GABRR3: variants seen among roughly 807,000 people sequenced by gnomAD.
GABRR3 encodes the protein gamma-aminobutyric acid type A receptor subunit rho3, also known as gamma-aminobutyric acid receptor subunit rho-3.
A neutral mutation model predicts 43.2 loss-of-function variants in GABRR3; 29 were observed. The ratio of observed to expected loss-of-function variants is 0.67; its 90% CI spans 0.50 to 0.92. The LOEUF is 0.92. Among genes scored for constraint, GABRR3 ranks in the 40% least tolerant of loss-of-function variants. The pLI, the probability that GABRR3 is intolerant of heterozygous loss-of-function variation, is 0.00. For synonymous variants in GABRR3, 206 were observed against 195.9 expected (o/e 1.05, Z -0.43); for missense variants, 576 against 572.3 (o/e 1.01, Z -0.07).
At chr3:98,004,348 C>G (rs1447792407) in intron 7 of GABRR3, among the ~76,000 whole-genome samples, 2 of 152,018 alleles carry the variant, frequency 1.3e-5, no homozygotes, top group Admixed American at 6.6e-5. Flanking sequence ...TATTATGAAA[C>G]CCATTTAAAG....
chr3:98,009,726 G>A (rs832028), intron 5 of GABRR3, among the ~76,000 whole-genome samples: 114,194 of 152,062 alleles, frequency 0.75, 43,765 homozygotes, highest in East Asian at 0.99. Context: ...GGTTCATAAA[G>A]GGCCCCTGAG....
chr3:98,034,942 T>A (rs764531458), exon 2 of GABRR3: 1 of 1,613,066 alleles, frequency 6.2e-7, no homozygotes, highest in Admixed American at 1.7e-5. Context: ...GGTTTCAATA[T>A]GATCCAGATG....
At position 98,034,026 on chromosome 3, in the gene GABRR3, C is replaced by T. The variant is rs138003669; in HGVS notation, c.125+837G>A. ...GGATGTGAGAGCAATCTAGCTTAAA[C>T]ATCTGTCACCCCATTGGCTGCCAGT... is the stretch of plus-strand genomic sequence containing the variant. On this transcript the variant is annotated intron_variant, in intron 2 of 9. Transcript: ENST00000621172. Among the ~76,000 whole-genome samples the T allele has an allele frequency of 3.0e-3, 457 of 152,270 alleles. 1 individual carries two copies. The highest frequency in any genetic ancestry group is 0.01 in the African/African-American group (425 of 41,566).
exon 5 of GABRR3, chr3:98,012,411 G>A: frequency 6.2e-7 from 1 of 1,613,964 alleles, no homozygotes; most frequent in African/African-American, 1.3e-5. Context: ...GTTGTATCAT[G>A]GATGAAGGAT....
intron 3 of GABRR3, among the ~76,000 whole-genome samples, chr3:98,023,417 C>T (rs1431455820): frequency 6.6e-6 from 1 of 152,104 alleles, no homozygotes; most frequent in African/African-American, 2.4e-5. Context: ...GTGACTGGCG[C>T]CCCCTGGTGG....
intron 5 of GABRR3, among the ~76,000 whole-genome samples, chr3:98,011,407 A>C (rs1233216704): frequency 6.6e-6 from 1 of 152,154 alleles, no homozygotes; most frequent in Non-Finnish European, 1.5e-5. Flanking sequence ...CTAGGGGGAA[A>C]ATCCATGTGT....
intron 3 of GABRR3, among the ~76,000 whole-genome samples, chr3:98,020,476 G>T (rs1180775648): frequency 2.2e-5 from 2 of 90,354 alleles, no homozygotes; most frequent in South Asian, 3.7e-4. Flanking sequence ...AAAAAAAAAA[G>T]GAAAAGAAAA....
At chr3:98,025,671 T>G (rs768700067) in exon 3 of GABRR3, 3 of 1,606,586 alleles carry the variant, frequency 1.9e-6, no homozygotes, top group Non-Finnish European at 2.5e-6. Flanking sequence ...CATTCTAGTT[T>G]CTTGTTTGCT....
At chr3:98,014,688 G>T (rs934256086) in intron 4 of GABRR3, among the ~76,000 whole-genome samples, 5 of 152,144 alleles carry the variant, frequency 3.3e-5, no homozygotes, top group Admixed American at 1.3e-4. Flanking sequence ...GGTCATAGAA[G>T]ATTTTGTTTA....
chr3:98,019,720 G>A (rs1706914414), intron 3 of GABRR3, among the ~76,000 whole-genome samples: 1 of 152,032 alleles, frequency 6.6e-6, no homozygotes, highest in Non-Finnish European at 1.5e-5. Context: ...TGAGTAGCTG[G>A]GATTAGAGGC....
intron 3 of GABRR3, among the ~76,000 whole-genome samples, chr3:98,019,306 T>C (rs2107244395): frequency 6.6e-6 from 1 of 152,250 alleles, no homozygotes; most frequent in South Asian, 2.1e-4. Flanking sequence ...CATAATACTA[T>C]AGAAACCCAA....
chr3:98,022,025 A>G (rs1706955057), intron 3 of GABRR3, among the ~76,000 whole-genome samples: 2 of 152,234 alleles, frequency 1.3e-5, no homozygotes, highest in South Asian at 2.1e-4. Context: ...ATAGGAAAGT[A>G]GCCAGATCCT....
intron 2 of GABRR3, among the ~76,000 whole-genome samples, chr3:98,029,032 A>G (rs1291545592): frequency 6.6e-6 from 1 of 152,116 alleles, no homozygotes; most frequent in Non-Finnish European, 1.5e-5. Context: ...ATTCTAGAAA[A>G]AAAAAATGAT....
intron 3 of GABRR3, among the ~76,000 whole-genome samples, chr3:98,019,181 A>G (rs982117841): frequency 1.3e-5 from 2 of 152,128 alleles, no homozygotes; most frequent in Admixed American, 1.3e-4. Context: ...AAAGAAACAA[A>G]GAAAGATTTA....
chr3:98,002,149 CA>C (rs1013838421), intron 7 of GABRR3, among the ~76,000 whole-genome samples: 15 of 151,840 alleles, frequency 9.9e-5, no homozygotes, highest in African/African-American at 3.6e-4. Context: ...TTAGCTATAA[CA>C]AATGAAAAAA....
At chr3:98,005,438 A>C (rs1470385335) in intron 7 of GABRR3, among the ~76,000 whole-genome samples, 1 of 151,856 alleles carries the variant, frequency 6.6e-6, no homozygotes, top group Non-Finnish European at 1.5e-5. Flanking sequence ...ATTTTTTTTC[A>C]TTTTTCTTAG....
intron 2 of GABRR3, among the ~76,000 whole-genome samples, chr3:98,033,422 T>G (rs544229020): frequency 2.0e-5 from 3 of 152,262 alleles, no homozygotes; most frequent in South Asian, 4.1e-4. Context: ...CAGAAAAAAT[T>G]TCTACCTCAC....
At chr3:98,019,098 A>G (rs1706906617) in intron 3 of GABRR3, among the ~76,000 whole-genome samples, 1 of 143,940 alleles carries the variant, frequency 6.9e-6, no homozygotes, top group Non-Finnish European at 1.5e-5. Flanking sequence ...TGACAGAGCT[A>G]GACTCTCTCT....
intron 7 of GABRR3, among the ~76,000 whole-genome samples, chr3:98,007,270 G>C (rs1023094644): frequency 6.6e-6 from 1 of 152,004 alleles, no homozygotes; most frequent in African/African-American, 2.4e-5. Context: ...AATATTGGGG[G>C]AAAGCACCCC....
Sources: gnomAD v4.1 joint callset for allele counts (sites outside exome capture counted in the v4.1 genomes callset) on GRCh38, gnomAD v4.1.1 for gene constraint, MANE v1.5 for transcripts, NCBI Gene and HGNC (gene_info 2026-07-23, HGNC 2026-07-21) for gene names.